ITPR3: variants seen among roughly 807,000 people sequenced by gnomAD.
The protein encoded by ITPR3 is inositol 1,4,5-trisphosphate-gated calcium channel ITPR3.
Under a neutral mutation model 293.2 loss-of-function variants are expected in ITPR3, and 173 were observed. The ratio of observed to expected loss-of-function variants is 0.59; its 90% CI spans 0.52 to 0.67. The LOEUF is 0.67. ITPR3 is among the 30% of genes least tolerant of loss of function. ITPR3 has a pLI of 0.00. For synonymous variants in ITPR3, 1,295 were observed against 1,444.4 expected (o/e 0.90, Z 2.35); for missense variants, 2,796 against 3,592.1 (o/e 0.78, Z 5.66).
rs34014770 is a variant in ITPR3 at position 33,666,605 on chromosome 6, G to GTT, written c.1552-512_1552-511dup. Among the ~76,000 whole-genome samples, 12,756 of 144,576 alleles carry GTT rather than the reference G, an allele frequency of 0.088. 1,167 individuals carry two copies. Among genetic ancestry groups the GTT allele is most frequent in the African/African-American group, 0.23 (9,252 of 39,506 alleles). 94.8% of individuals were successfully genotyped at this position (144,576 alleles called of 152,430 possible). ...TTCCCAGAATGTCTTTGTAAAGTTT[G>GTT]TTTTTTTTTTTTTAGAAACGAGGAT... On this transcript the variant is annotated intron_variant, in intron 14 of 57. Transcript: ENST00000605930. The surrounding 1 kb of genome is among the most constrained non-coding windows in gnomAD (Gnocchi z 5.1).
chr6:33,644,189 CA>C (rs1554135236), intron 2 of ITPR3, among the ~76,000 whole-genome samples: 1 of 151,718 alleles, frequency 6.6e-6, no homozygotes, highest in Non-Finnish European at 1.5e-5. Context: ...GACTCTGTCT[CA>C]GGGGAAAAAA....
In ITPR3 at chr6:33,678,730, A is replaced by G. The variant is rs1193280943; in HGVS notation, c.3863A>G (p.His1288Arg). 39 of 1,613,396 alleles carry G rather than the reference A, an allele frequency of 2.4e-5. No individual in the cohort carries two copies. Among genetic ancestry groups the G allele is most frequent in the Non-Finnish European group, 3.3e-5 (39 of 1,179,898 alleles). Residue 1288 changes from histidine (H) to arginine (R), a missense_variant, in exon 30 of 58, where the codon CAC becomes CGC. Around this residue, in one of 8 missense-constraint regions of ITPR3, gnomAD observed 344 missense variants for 460.3 expected, o/e 0.75. Coordinates refer to ENST00000605930, the MANE Select transcript of ITPR3 (RefSeq NM_002224.4). The part of the protein sequence containing the change: ...ISEPVLQHFV[H>R]LLATHGRHVQ... ...GAGCCTGTGTTGCAGCACTTCGTGC[A>G]CCTGCTGGCCACGCACGGGCGCCAT...
chr6:33,678,317 C>A, intron 28 of ITPR3, 104 bp from the exon 29 acceptor site: 1 of 1,494,984 alleles, frequency 6.7e-7, no homozygotes, highest in South Asian at 1.2e-5. Context: ...TCTTCACGGT[C>A]CCAGTCCCAA....
At chr6:33,634,930 T>C (rs1763783056) in intron 1 of ITPR3, among the ~76,000 whole-genome samples, 1 of 152,066 alleles carries the variant, frequency 6.6e-6, no homozygotes, top group South Asian at 2.1e-4. Flanking sequence ...CTCTTCCTCT[T>C]TCCCCCGCTA....
rs939128099 is a variant in ITPR3 at position 33,666,807 on chromosome 6, G to A, written c.1552-322G>A. On this transcript the variant is annotated intron_variant, in intron 14 of 57. Transcript: ENST00000605930. This position sits in a 1 kb window ranked among gnomAD's most constrained non-coding sequence, Gnocchi z 5.1. Reference sequence around the variant, plus strand: ...TCTTAAGCTCTGGCCACAGCGGTCCGGCCTGCCTTTTCTCTTAGCCTTAGA... The same window carrying A: ...TCTTAAGCTCTGGCCACAGCGGTCCAGCCTGCCTTTTCTCTTAGCCTTAGA... Among the ~76,000 whole-genome samples, 13 of 152,148 alleles carry A rather than the reference G, an allele frequency of 8.5e-5. No individual in the cohort carries two copies. Among genetic ancestry groups the A allele is most frequent in the African/African-American group, 3.1e-4 (13 of 41,414 alleles).
At position 33,688,780 on chromosome 6, in the gene ITPR3, AG is replaced by A; in HGVS notation, c.6694+1del. On this transcript the variant is annotated frameshift_variant and splice_region_variant, in exon 49 of 58. Coordinates refer to ENST00000605930, the MANE Select transcript of ITPR3 (RefSeq NM_002224.4). LOFTEE classifies it high-confidence loss of function. ...ACCCTTACATGGAGGGCGCGTCCAC[AG>A]GTGAGAACACAGGGCTGGCCGGCAG... ...FYPYMEGAST[G>X]VLDSPLISLL... is the part of the protein sequence containing the mutation. 1 of 1,614,136 alleles carries A rather than the reference AG, an allele frequency of 6.2e-7. No individual in the cohort carries two copies. Among genetic ancestry groups the A allele is most frequent in the South Asian group, 1.1e-5 (1 of 91,076 alleles).
At chr6:33,686,376 C>T (rs1167287996) in intron 42 of ITPR3, 33 bp from the exon 43 acceptor site, 1 of 1,603,092 alleles carries the variant, frequency 6.2e-7, no homozygotes, top group Non-Finnish European at 8.5e-7. Flanking sequence ...CTGAGAGGGC[C>T]TGGGCCCTGT....
In ITPR3 at chr6:33,640,561, C is replaced by G; in HGVS notation, c.160+7C>G. On this transcript the variant is annotated splice_region_variant and intron_variant, in intron 2 of 57. Coordinates refer to ENST00000605930, the MANE Select transcript of ITPR3 (RefSeq NM_002224.4). ...CCCCCTAAGAAGTTCCGTGGTAAGA[C>G]CTCCGCTTCCTCTGCCCCCGCCCCT... 1 of 1,606,658 alleles carries G rather than the reference C, an allele frequency of 6.2e-7. No homozygotes were observed. The highest frequency in any genetic ancestry group is 2.2e-5 in the East Asian group (1 of 44,750).
chr6:33,690,045 G>A lies in ITPR3; in HGVS notation c.6879G>A (p.Lys2293=). The stretch of plus-strand genomic sequence containing the variant: ...GCACTCGCCCCCAGCTGACCAACAA[G>A]ATCGTGTTTGTGGTGAGCTTCGTGG... ...NILGALNLTN[K]IVFVVSFVGN... Residue 2293 remains lysine, a synonymous_variant, in exon 51 of 58, where the codon AAG becomes AAA. Transcript: ENST00000605930. 6.2e-7 allele frequency: 1 copy of A among 1,614,222 alleles called. No individual in the cohort carries two copies.
Position 33,691,539 on chromosome 6 carries a change from T to A in ITPR3, c.7226-76T>A. The A allele has an allele frequency of 8.1e-7, 1 of 1,228,016 alleles. No homozygotes were observed. The highest frequency in any genetic ancestry group is 1.2e-6 in the Non-Finnish European group (1 of 848,948). The allele number at this position is 1,228,016 out of a possible 1,614,324, so 76.1% of individuals were successfully genotyped here. A position where few individuals can be genotyped will look rare whatever the true frequency, so the allele number is the denominator to read the frequency against. ...GGACCAGGGAAGGTTTCCTGGAGGA[T>A]GTGACACTGGGGACAGAGCCAGGGG... On this transcript the variant is annotated intron_variant, in intron 52 of 57. Coordinates refer to ENST00000605930, the MANE Select transcript of ITPR3 (RefSeq NM_002224.4). The surrounding 1 kb of genome is among the most constrained non-coding windows in gnomAD (Gnocchi z 4.9).
At chr6:33,688,204 T>C in intron 47 of ITPR3, 35 bp from the exon 48 acceptor site, 1 of 1,613,942 alleles carries the variant, frequency 6.2e-7, no homozygotes, top group Non-Finnish European at 8.5e-7. Context: ...CGTGGGAGCC[T>C]GCGCCGGGCG....
At chr6:33,641,678 G>A (rs2151291176) in intron 2 of ITPR3, among the ~76,000 whole-genome samples, 1 of 151,678 alleles carries the variant, frequency 6.6e-6, no homozygotes, top group South Asian at 2.1e-4. Context: ...TCTCCCCCTT[G>A]CCCCCTCCCA....
intron 51 of ITPR3, 88 bp from the exon 52 acceptor site, chr6:33,690,820 GAGCCCAGGC>G (rs1452614679): frequency 1.7e-6 from 2 of 1,153,914 alleles, no homozygotes; most frequent in Non-Finnish European, 2.5e-6. Flanking sequence ...AAACTGTCTG[GAGCCCAGGC>G]AGCCCTCAGG....
Position 33,668,992 on chromosome 6 carries a change from G to A in ITPR3, c.2025G>A (p.Glu675=). 6.2e-7 allele frequency: 1 copy of A among 1,613,932 alleles called. No individual in the cohort carries two copies. Among genetic ancestry groups the A allele is most frequent in the Non-Finnish European group, 8.5e-7 (1 of 1,180,014 alleles). The change falls in exon 18 of 58, where the codon GAG becomes GAA. Residue 675 remains glutamate (E), a synonymous_variant. Transcript: ENST00000605930. ...TCTGCAGGCTTCGGCCCGTGAAGGA[G>A]ATGGCCCAATCCCACGAGTACCTGA... is the stretch of plus-strand genomic sequence containing the variant. ...LIRTELRPVK[E]MAQSHEYLSI...
In ITPR3 at chr6:33,684,352, C is replaced by T. The variant is rs1164315631; in HGVS notation, c.4938-5C>T. 1 of 1,613,396 alleles carries T rather than the reference C, an allele frequency of 6.2e-7. No individual in the cohort carries two copies. Among genetic ancestry groups the T allele is most frequent in the Non-Finnish European group, 8.5e-7 (1 of 1,179,524 alleles). ...TGCCCTGAGCTGCCTCCTTGGCCGG[C>T]TCAGGCTGATCCAGCACACCAAGGA... On this transcript the variant is annotated splice_region_variant and splice_polypyrimidine_tract_variant and intron_variant, in intron 36 of 57. Transcript: ENST00000605930. This position sits in a 1 kb window ranked among gnomAD's most constrained non-coding sequence, Gnocchi z 4.2.
chr6:33,647,801 C>T (rs1300587148), intron 2 of ITPR3, among the ~76,000 whole-genome samples: 2 of 152,062 alleles, frequency 1.3e-5, no homozygotes, highest in African/African-American at 4.8e-5. Context: ...TTTTATTATT[C>T]CTGTTGGTGC....
intron 1 of ITPR3, among the ~76,000 whole-genome samples, chr6:33,639,560 T>G (rs753667161): frequency 6.6e-6 from 1 of 152,158 alleles, no homozygotes; most frequent in Non-Finnish European, 1.5e-5. Flanking sequence ...TTGGTGAGAA[T>G]TCAGAGGTAA....
intron 2 of ITPR3, among the ~76,000 whole-genome samples, chr6:33,642,951 C>T (rs1023798910): frequency 6.6e-6 from 1 of 152,170 alleles, no homozygotes; most frequent in Non-Finnish European, 1.5e-5. Context: ...TGGAACAGAG[C>T]CAGGCCTCCG....
chr6:33,651,271 C>T (rs1214851699), intron 2 of ITPR3, among the ~76,000 whole-genome samples: 9 of 106,114 alleles, frequency 8.5e-5, no homozygotes, highest in Non-Finnish European at 7.9e-5. Flanking sequence ...AGTGAGACTC[C>T]GTCTCAAAAA....
Sources: allele counts gnomAD v4.1 joint callset (sites outside exome capture counted in the v4.1 genomes callset), GRCh38; gene constraint gnomAD v4.1.1; regional missense constraint gnomAD v4.1.1; non-coding constraint Gnocchi (gnomAD v3.1); transcripts MANE v1.5; gene names NCBI Gene and HGNC (gene_info 2026-07-23, HGNC 2026-07-21).